Variants in AZGP1 observed in about 807,000 individuals in gnomAD.
AZGP1 encodes the protein zinc-alpha-2-glycoprotein.
Under a neutral mutation model 31.5 loss-of-function variants are expected in AZGP1, and 28 were observed. The observed-to-expected ratio is 0.89, with a 90% CI of 0.66 to 1.22. The LOEUF (loss-of-function observed/expected upper bound fraction) is 1.22. Among genes scored for constraint, AZGP1 ranks in the 50% most tolerant of loss-of-function variants. The pLI is 0.00. For synonymous variants in AZGP1, 135 were observed against 145.4 expected, an observed-to-expected ratio of 0.93 and a Z score of 0.51; for missense variants, 361 against 371.8, an observed-to-expected ratio of 0.97 and a Z score of 0.24.
rs1789489324 is a variant in AZGP1 at position 99,966,977 on chromosome 7, C to A, written c.*26G>T. On this transcript the variant is annotated 3_prime_UTR_variant, in exon 4 of 4. Coordinates refer to ENST00000292401, the MANE Select transcript of AZGP1 (RefSeq NM_001185.4). ...GAAGGGCAGCTACTGGGTCTGAGAT[C>A]CCACATTGCCTCCAACCCTTGCTTC... is the stretch of plus-strand genomic sequence containing the variant. 4 of 1,605,302 alleles carry A rather than the reference C, an allele frequency of 2.5e-6. No homozygotes were observed. Among genetic ancestry groups the A allele is most frequent in the Non-Finnish European group, 3.4e-6 (4 of 1,174,582 alleles).
At chr7:99,970,003 A>T (rs1483395737) in intron 2 of AZGP1, among the ~76,000 whole-genome samples, 1 of 152,116 alleles carries the variant, frequency 6.6e-6, no homozygotes, top group African/African-American at 2.4e-5. Flanking sequence ...ATAGACTCTG[A>T]AAGCTCTCAA....
At chr7:99,970,701 A>G (rs576535482) in intron 2 of AZGP1, among the ~76,000 whole-genome samples, 1 of 151,500 alleles carries the variant, frequency 6.6e-6, no homozygotes, top group East Asian at 1.9e-4. Flanking sequence ...AGCCTGGGCC[A>G]TTTTCCTTAC....
At chr7:99,967,577 G>A (rs1001526744) in intron 3 of AZGP1, 65 of 502,338 alleles carry the variant, frequency 1.3e-4, no homozygotes, top group African/African-American at 1.0e-3. Context: ...CTGTCCCCCA[G>A]TCTCAGTCCA....
intron 1 of AZGP1, among the ~76,000 whole-genome samples, chr7:99,972,922 C>A (rs1789603555): frequency 6.6e-6 from 1 of 152,156 alleles, no homozygotes; most frequent in Non-Finnish European, 1.5e-5. Flanking sequence ...TCGAGACCAT[C>A]CTGGCTAACA....
chr7:99,973,229 C>T (rs928851411), intron 1 of AZGP1, among the ~76,000 whole-genome samples: 2 of 152,092 alleles, frequency 1.3e-5, no homozygotes, highest in African/African-American at 4.8e-5. Flanking sequence ...TGAATTAGCA[C>T]AGGGTAAGAC....
At position 99,967,283 on chromosome 7, in the gene AZGP1, G is replaced by A. The variant is rs781639562; in HGVS notation, c.617C>T (p.Pro206Leu). ...GTGGCTGGTGACCACCACAGAGGGAGGATCTGTGGAGGGATAGAGTGTGAC... is the reference window on the plus strand; with the variant it reads ...GTGGCTGGTGACCACCACAGAGGGAAGATCTGTGGAGGGATAGAGTGTGAC... ...YSKNILDRQD[P>L]PSVVVTSHQA... The change falls in exon 4 of 4, where the codon CCT becomes CTT. Residue 206 changes from proline to leucine, a missense_variant. Physicochemically the swap from Pro to Leu is moderately conservative, Grantham distance 98. Transcript: ENST00000292401. The A allele has an allele frequency of 1.9e-6, 3 of 1,611,378 alleles. No individual in the cohort carries two copies. Among genetic ancestry groups the A allele is most frequent in the East Asian group, 4.5e-5 (2 of 44,862 alleles).
intron 2 of AZGP1, 194 bp from the exon 3 acceptor site, chr7:99,968,624 G>T: frequency 2.9e-6 from 2 of 693,918 alleles, no homozygotes. Flanking sequence ...AACTCAGTTT[G>T]GTTTGGCATT....
Position 99,971,941 on chromosome 7 carries a change from G to A in AZGP1, c.142C>T (p.Gln48Ter). 1.2e-6 allele frequency: 2 copies of A among 1,614,154 alleles called. No individual in the cohort carries two copies. Among genetic ancestry groups the A allele is most frequent in the Non-Finnish European group, 1.7e-6 (2 of 1,180,006 alleles). The part of the protein sequence containing the change: ...SKHVEDVPAF[Q>*]ALGSLNDLQF... ...AGGTCATTGAGTGAGCCAAGGGCCT[G>A]AAACGCGGGGACGTCTTCAACATGC... The change falls in exon 2 of 4, where the codon CAG becomes TAG. Residue 48 changes from glutamine to a stop codon, truncating the protein, a stop_gained. Coordinates refer to ENST00000292401, the MANE Select transcript of AZGP1 (RefSeq NM_001185.4). LOFTEE classifies it high-confidence loss of function.
intron 2 of AZGP1, among the ~76,000 whole-genome samples, chr7:99,969,102 C>T (rs544452987): frequency 2.0e-4 from 30 of 151,278 alleles, no homozygotes; most frequent in African/African-American, 7.0e-4. Flanking sequence ...GGTGAAACCC[C>T]ATCTCTACCA....
intron 2 of AZGP1, chr7:99,968,729 G>A: frequency 2.6e-6 from 1 of 383,958 alleles, no homozygotes. Flanking sequence ...TTGAGAAGCT[G>A]AAGCGAGTGG....
At position 99,971,815 on chromosome 7, in the gene AZGP1, G is replaced by A; in HGVS notation, c.268C>T (p.Gln90Ter). The A allele has an allele frequency of 2.5e-6, 4 of 1,614,128 alleles. No individual in the cohort carries two copies. Among genetic ancestry groups the A allele is most frequent in the Admixed American group, 1.7e-5 (1 of 60,016 alleles). Residue 90 changes from glutamine to a stop codon, truncating the protein, a stop_gained, in exon 2 of 4, where the codon CAG becomes TAG. Transcript: ENST00000292401. LOFTEE classifies it high-confidence loss of function. ...ATAAAGATGTCCTCCCTGGCCTTCTGAAGTTGGCTGTCCTGCTTCCAATCC... is the reference window on the plus strand; with the variant it reads ...ATAAAGATGTCCTCCCTGGCCTTCTAAAGTTGGCTGTCCTGCTTCCAATCC... ...MEDWKQDSQLQKAREDIFMET... is the reference protein window; with the variant it reads ...MEDWKQDSQL
intron 1 of AZGP1, among the ~76,000 whole-genome samples, chr7:99,975,479 G>A (rs1418356992): frequency 1.3e-5 from 2 of 152,098 alleles, no homozygotes; most frequent in Non-Finnish European, 2.9e-5. Context: ...AGTGGTGTCT[G>A]AGTGTGGGAT....
At chr7:99,971,712 G>T (rs1368676481) in intron 2 of AZGP1, 34 bp downstream of exon 2, 1 of 1,600,034 alleles carries the variant, frequency 6.2e-7, no homozygotes, top group Non-Finnish European at 8.5e-7. Flanking sequence ...TCTTGGGTTA[G>T]ACCTTCCACC....
In AZGP1 at chr7:99,968,197, G is replaced by A. The variant is rs370476332; in HGVS notation, c.571C>T (p.Arg191Trp). 24 of 1,613,692 alleles carry A rather than the reference G, an allele frequency of 1.5e-5. No homozygotes were observed. The highest frequency in any genetic ancestry group is 9.4e-5 in the African/African-American group (7 of 74,776). The change falls in exon 3 of 4, where the codon CGG (arginine) becomes TGG (tryptophan). Residue 191 changes from arginine to tryptophan, a missense_variant. Transcript: ENST00000292401. ...TTTTTGCTGTATTTCAGGTATTTCCGCAGAGTCGCAGGGCACTCCTCCTCC... is the reference window on the plus strand; with the variant it reads ...TTTTTGCTGTATTTCAGGTATTTCCACAGAGTCGCAGGGCACTCCTCCTCC... ...YLEEECPATL[R>W]KYLKYSKNIL...
At chr7:99,970,663 G>C (rs1338130552) in intron 2 of AZGP1, among the ~76,000 whole-genome samples, 1 of 151,198 alleles carries the variant, frequency 6.6e-6, no homozygotes, top group Non-Finnish European at 1.5e-5. Context: ...GATCACCTGT[G>C]CCCCCTCCTC....
intron 2 of AZGP1, among the ~76,000 whole-genome samples, chr7:99,969,234 C>A (rs1057082424): frequency 6.6e-6 from 1 of 151,694 alleles, no homozygotes; most frequent in Non-Finnish European, 1.5e-5. Flanking sequence ...CATGGTAAGA[C>A]CTCATCTCTA....
Position 99,967,016 on chromosome 7 carries a change from C to A in AZGP1, c.884G>T (p.Trp295Leu). ...AACCCTTGCTTCCTAGCTGGCCTCC[C>A]AGGGCACCACGAGGGGCTGGGCCAG... is the stretch of plus-strand genomic sequence containing the variant. ...SSLAQPLVVPWEAS is the reference protein window; with the variant it reads ...SSLAQPLVVPLEAS The change falls in exon 4 of 4, where the codon TGG (tryptophan) becomes TTG (leucine). Residue 295 changes from tryptophan to leucine, a missense_variant. By Grantham distance (61) the Trp-to-Leu change is moderately conservative. Coordinates refer to ENST00000292401, the MANE Select transcript of AZGP1 (RefSeq NM_001185.4). The A allele has an allele frequency of 6.2e-7, 1 of 1,613,594 alleles. No individual in the cohort carries two copies. Among genetic ancestry groups the A allele is most frequent in the Non-Finnish European group, 8.5e-7 (1 of 1,179,648 alleles).
intron 2 of AZGP1, among the ~76,000 whole-genome samples, chr7:99,970,986 C>A (rs887043708): frequency 6.6e-6 from 1 of 152,294 alleles, no homozygotes; most frequent in South Asian, 2.1e-4. Flanking sequence ...CTGACCATAG[C>A]GCAGGTGGCC....
At position 99,968,107 on chromosome 7, in the gene AZGP1, C is replaced by T. The variant is rs763024418; in HGVS notation, c.613+48G>A. The T allele has an allele frequency of 1.6e-5, 26 of 1,605,304 alleles. No homozygotes were observed. In the South Asian group the frequency reaches 1.6e-4, roughly 10 times the overall value. ...GTTGCCTGAGCTCCTAGCCTGAGAT[C>T]GTCTTTTATTCTGGGCTCAGTACTG... is the stretch of plus-strand genomic sequence containing the variant. On this transcript the variant is annotated intron_variant, in intron 3 of 3. Coordinates refer to ENST00000292401, the MANE Select transcript of AZGP1 (RefSeq NM_001185.4).
Sources: allele counts gnomAD v4.1 joint callset (sites outside exome capture counted in the v4.1 genomes callset), GRCh38; gene constraint gnomAD v4.1.1; transcripts MANE v1.5; gene names NCBI Gene and HGNC (gene_info 2026-07-23, HGNC 2026-07-21).